The following CLIP1 variants were observed in gnomAD, a reference collection of about 807,000 sequenced individuals.
CLIP1 encodes CAP-Gly domain-containing linker protein 1.
Under a neutral mutation model 161.6 loss-of-function variants are expected in CLIP1, and 66 were observed. The observed-to-expected ratio is 0.41, with a 90% CI of 0.33 to 0.50. The LOEUF (loss-of-function observed/expected upper bound fraction) is 0.50. CLIP1 is among the 20% of genes least tolerant of loss of function. CLIP1 has a pLI of 0.27. For synonymous variants in CLIP1, 598 were observed against 626.2 expected (o/e 0.96, Z 0.67); for missense variants, 1,376 against 1,702.0 (o/e 0.81, Z 3.37).
intron 20 of CLIP1, among the ~76,000 whole-genome samples, chr12:122,300,941 T>C (rs1350605678): frequency 2.0e-5 from 3 of 152,236 alleles, no homozygotes; most frequent in Non-Finnish European, 4.4e-5. Context: ...GTATCACTTA[T>C]ATAGTCTTCC....
At chr12:122,383,936 A>G (rs1438190031) in intron 1 of CLIP1, among the ~76,000 whole-genome samples, 1 of 152,218 alleles carries the variant, frequency 6.6e-6, no homozygotes, top group Non-Finnish European at 1.5e-5. Context: ...TTGGACCTAA[A>G]ATAAGACAAA....
chr12:122,399,392 G>A (rs1956061706), intron 1 of CLIP1: 2 of 152,166 alleles, frequency 1.3e-5, no homozygotes, highest in South Asian at 4.1e-4. Context: ...CTTTGCCAAA[G>A]TGAAAAGTAC....
At chr12:122,340,419 T>C (rs559920901) in intron 11 of CLIP1, among the ~76,000 whole-genome samples, 1 of 152,296 alleles carries the variant, frequency 6.6e-6, no homozygotes, top group South Asian at 2.1e-4. Flanking sequence ...CTTAACACCA[T>C]AGTGTTAGGG....
At chr12:122,403,685 ATTTT>A (rs1048261230) in intron 1 of CLIP1, among the ~76,000 whole-genome samples, 1 of 150,272 alleles carries the variant, frequency 6.7e-6, no homozygotes, top group Non-Finnish European at 1.5e-5. Flanking sequence ...CACCCAGCTA[ATTTT>A]TTTTTATTTT....
Position 122,272,630 on chromosome 12 carries a change from T to C in CLIP1, c.*245A>G, listed in dbSNP as rs1955221509. ...AAATGTAATGGCATCTGGTGCAATG[T>C]CTTCAAACGTAAAAATCAAGAAAAC... On this transcript the variant is annotated 3_prime_UTR_variant, in exon 26 of 26. Coordinates refer to ENST00000620786, the MANE Select transcript of CLIP1 (RefSeq NM_001247997.2). 4 of 485,826 alleles carry C rather than the reference T, an allele frequency of 8.2e-6. No homozygotes were observed. In the South Asian group the frequency reaches 1.0e-4, roughly 12 times the overall value. 30.1% of individuals were successfully genotyped at this position (485,826 alleles called of 1,614,324 possible). A position where few individuals can be genotyped will look rare whatever the true frequency, so the allele number is the denominator to read the frequency against.
chr12:122,403,298 G>A (rs959540899), intron 1 of CLIP1, among the ~76,000 whole-genome samples: 2 of 152,054 alleles, frequency 1.3e-5, no homozygotes, highest in African/African-American at 4.8e-5. Context: ...AGCTCTGCTG[G>A]CAGCACAAGG....
chr12:122,290,181 G>A (rs1468507080), intron 20 of CLIP1, among the ~76,000 whole-genome samples: 4 of 152,064 alleles, frequency 2.6e-5, no homozygotes, highest in Non-Finnish European at 5.9e-5. Flanking sequence ...TTATGTTCAT[G>A]CTTTGCTATG....
chr12:122,309,951 G>A, intron 19 of CLIP1, 69 bp from the exon 20 acceptor site: 3 of 1,575,302 alleles, frequency 1.9e-6, no homozygotes, highest in Non-Finnish European at 2.6e-6. Context: ...GAGACAACCA[G>A]CTTCACAGCA....
chr12:122,334,918 T>C (rs939929267), intron 12 of CLIP1, among the ~76,000 whole-genome samples: 2 of 152,194 alleles, frequency 1.3e-5, no homozygotes, highest in Non-Finnish European at 2.9e-5. Flanking sequence ...TGCATGTGTG[T>C]GTATGGACAT....
At chr12:122,379,718 C>A (rs1485966834) in intron 2 of CLIP1, among the ~76,000 whole-genome samples, 2 of 151,806 alleles carry the variant, frequency 1.3e-5, no homozygotes, top group East Asian at 3.9e-4. Flanking sequence ...CTGTGGTAGG[C>A]AGATAACTTG....
At chr12:122,362,182 G>C (rs1303760342) in intron 4 of CLIP1, among the ~76,000 whole-genome samples, 1 of 150,914 alleles carries the variant, frequency 6.6e-6, no homozygotes, top group South Asian at 2.1e-4. Context: ...TCGAACTCCT[G>C]ATCTCGTGAT....
In CLIP1 at chr12:122,392,170, C is replaced by T. The variant is rs145964656; in HGVS notation, c.-106-11612G>A. ...CCTATAGAGCGAGCTACTCAGGAGGCCGAGGCAGGAGAACGGCTTGAGCCC... is the reference window on the plus strand; with the variant it reads ...CCTATAGAGCGAGCTACTCAGGAGGTCGAGGCAGGAGAACGGCTTGAGCCC... On this transcript the variant is annotated intron_variant, in intron 1 of 25. Coordinates refer to ENST00000620786, the MANE Select transcript of CLIP1 (RefSeq NM_001247997.2). Among the ~76,000 whole-genome samples, 439 of 152,170 alleles carry T rather than the reference C, an allele frequency of 2.9e-3. 2 individuals are homozygous for T. The highest frequency in any genetic ancestry group is 0.01 in the African/African-American group (422 of 41,528).
intron 20 of CLIP1, among the ~76,000 whole-genome samples, chr12:122,304,736 C>T (rs1164330996): frequency 6.6e-6 from 1 of 152,128 alleles, no homozygotes; most frequent in Non-Finnish European, 1.5e-5. Flanking sequence ...TTTTTTAATA[C>T]AGAAAAACTG....
intron 24 of CLIP1, chr12:122,277,902 A>C (rs553753373): frequency 1.3e-4 from 61 of 466,578 alleles, no homozygotes; most frequent in Non-Finnish European, 2.0e-4. Context: ...AAATCTCTGA[A>C]AAGGAAAGAC....
In CLIP1 at chr12:122,341,207, A is replaced by C. The variant is rs768298544; in HGVS notation, c.1997T>G (p.Met666Arg). ...TATTTCGTGTTGGTAATCTAGTCTC[A>C]TTTTCTCTATTTGTGTTTTTAGTTC... The part of the protein sequence containing the change: ...FAELKTQIEK[M>R]RLDYQHEIEN... The change falls in exon 11 of 26, where the codon ATG becomes AGG. Residue 666 changes from methionine to arginine, a missense_variant. By Grantham distance (91) the Met-to-Arg change is moderately conservative. This residue lies in a region of CLIP1 where 948 missense variants were observed against 1,134.8 expected (regional missense o/e 0.84). Coordinates refer to ENST00000620786, the MANE Select transcript of CLIP1 (RefSeq NM_001247997.2). The C allele has an allele frequency of 1.1e-5, 17 of 1,613,592 alleles. No homozygotes were observed. The African/African-American group carries it at 2.0e-4, about 19-fold the overall frequency.
intron 20 of CLIP1, among the ~76,000 whole-genome samples, chr12:122,290,635 C>A (rs1476092914): frequency 6.6e-6 from 1 of 152,020 alleles, no homozygotes; most frequent in East Asian, 1.9e-4. Flanking sequence ...AAATAAAAAT[C>A]ATTAGTGAAT....
intron 18 of CLIP1, 99 bp downstream of exon 18, chr12:122,319,133 A>G: frequency 1.2e-6 from 1 of 800,050 alleles, no homozygotes; most frequent in South Asian, 1.5e-5. Flanking sequence ...GTGTAAAGTC[A>G]CACACTTCAA....
At chr12:122,309,740 C>A (rs761990728) in intron 20 of CLIP1, 22 bp downstream of exon 20, 49 of 1,611,422 alleles carry the variant, frequency 3.0e-5, no homozygotes, top group Non-Finnish European at 3.9e-5. Context: ...ACAGCTGGAA[C>A]CCCTCGCCAA....
chr12:122,307,081 C>T (rs2136478711), intron 20 of CLIP1, among the ~76,000 whole-genome samples: 1 of 140,408 alleles, frequency 7.1e-6, no homozygotes, highest in Non-Finnish European at 1.5e-5. Context: ...ACGATCTCGG[C>T]TCACTGTAAC....
Sources: gnomAD v4.1 joint callset for allele counts (sites outside exome capture counted in the v4.1 genomes callset) on GRCh38, gnomAD v4.1.1 for gene constraint, gnomAD v4.1.1 regional missense constraint, MANE v1.5 for transcripts, NCBI Gene and HGNC (gene_info 2026-07-23, HGNC 2026-07-21) for gene names.